Variants in RGS7 observed in about 807,000 individuals in gnomAD.
The protein encoded by RGS7 is regulator of G-protein signaling 7.
In RGS7, 27 loss-of-function variants were observed where a neutral mutation model predicts 81.1. That is an observed-to-expected ratio of 0.33 (90% CI 0.25 to 0.46). The LOEUF is 0.46. RGS7 is among the 20% of genes least tolerant of loss of function. The pLI is 1.00. For synonymous variants in RGS7, 208 were observed against 207.7 expected (o/e 1.00, Z -0.01); for missense variants, 396 against 607.4 (o/e 0.65, Z 3.66).
chr1:241,327,699 C>G (rs1199746161), intron 2 of RGS7, among the ~76,000 whole-genome samples: 2 of 152,092 alleles, frequency 1.3e-5, no homozygotes, highest in African/African-American at 4.8e-5. Context: ...TAATCCAGAG[C>G]AAAAGTTAGA....
chr1:240,929,641 C>T (rs1184606990), intron 6 of RGS7, among the ~76,000 whole-genome samples: 4 of 152,046 alleles, frequency 2.6e-5, no homozygotes, highest in Non-Finnish European at 5.9e-5. Flanking sequence ...AATGTCTCTC[C>T]AGGAGCAACA....
intron 18 of RGS7, among the ~76,000 whole-genome samples, chr1:240,799,979 T>G (rs909576204): frequency 3.3e-5 from 5 of 152,202 alleles, no homozygotes; most frequent in African/African-American, 1.2e-4. Flanking sequence ...TGACTTCCCC[T>G]TTCCATCTTC....
chr1:241,341,868 C>T (rs1445008600), intron 2 of RGS7, among the ~76,000 whole-genome samples: 1 of 136,820 alleles, frequency 7.3e-6, no homozygotes, highest in African/African-American at 2.8e-5. Flanking sequence ...CACTCTTCAA[C>T]TCTTTTTTTT....
At chr1:240,902,018 C>A (rs955997393) in intron 6 of RGS7, among the ~76,000 whole-genome samples, 2 of 152,114 alleles carry the variant, frequency 1.3e-5, no homozygotes, top group Non-Finnish European at 2.9e-5. Context: ...ATAGAGCCAT[C>A]GAAATGTTTT....
intron 2 of RGS7, among the ~76,000 whole-genome samples, chr1:241,207,700 G>C (rs1398454644): frequency 6.6e-6 from 1 of 152,118 alleles, no homozygotes; most frequent in East Asian, 1.9e-4. Context: ...TGTTCAAGTA[G>C]AAGACATTTT....
chr1:241,281,090 T>A (rs965949641), intron 2 of RGS7, among the ~76,000 whole-genome samples: 1 of 152,110 alleles, frequency 6.6e-6, no homozygotes, highest in Non-Finnish European at 1.5e-5. Flanking sequence ...CATAAATGCA[T>A]AAAATATATG....
intron 4 of RGS7, among the ~76,000 whole-genome samples, chr1:240,979,432 C>CATAT (rs1684608229): frequency 6.6e-6 from 1 of 152,064 alleles, no homozygotes; most frequent in Non-Finnish European, 1.5e-5. Flanking sequence ...TCCTGAAAGA[C>CATAT]CACATATCAA....
At chr1:241,320,078 G>T (rs1030849046) in intron 2 of RGS7, among the ~76,000 whole-genome samples, 5 of 152,098 alleles carry the variant, frequency 3.3e-5, no homozygotes, top group African/African-American at 4.8e-5. Flanking sequence ...GCAACAGAGC[G>T]AGACTCCACG....
At chr1:241,221,003 G>A (rs368345068) in intron 2 of RGS7, among the ~76,000 whole-genome samples, 1,465 of 48,598 alleles carry the variant, frequency 0.03, 28 homozygotes, top group African/African-American at 0.061. Context: ...GGAAGAGAGA[G>A]AGAAAGGAAG....
intron 3 of RGS7, among the ~76,000 whole-genome samples, chr1:241,052,914 C>T (rs2061325535): frequency 6.6e-6 from 1 of 151,952 alleles, no homozygotes; most frequent in Non-Finnish European, 1.5e-5. Context: ...TTTTTCCACC[C>T]TAATTCCCAT....
Position 241,087,944 on chromosome 1 carries a change from ATCTCTCTC to A in RGS7, c.175+10714_175+10721del, listed in dbSNP as rs574047844. Among the ~76,000 whole-genome samples the A allele has an allele frequency of 2.9e-4, 34 of 116,100 alleles. 1 individual carries two copies. Among genetic ancestry groups the A allele is most frequent in the African/African-American group, 8.3e-4 (21 of 25,250 alleles). 76.2% of individuals were successfully genotyped at this position (116,100 alleles called of 152,430 possible). On this transcript the variant is annotated intron_variant, in intron 3 of 18. Transcript: ENST00000440928. Reference sequence around the variant, plus strand: ...AGCCTGAGCCACAGAGCAAGACTCCATCTCTCTCTCTCTCTCTCTCTCTCTCTCTCTCT... The same window carrying A: ...AGCCTGAGCCACAGAGCAAGACTCCATCTCTCTCTCTCTCTCTCTCTCTCT...
chr1:241,158,578 T>C (rs1333114594), intron 2 of RGS7, among the ~76,000 whole-genome samples: 1 of 152,212 alleles, frequency 6.6e-6, no homozygotes, highest in African/African-American at 2.4e-5. Context: ...TAATGTTAAA[T>C]AGATGAATGC....
At chr1:241,343,058 C>T (rs748417044) in intron 2 of RGS7, among the ~76,000 whole-genome samples, 2 of 151,926 alleles carry the variant, frequency 1.3e-5, no homozygotes, top group African/African-American at 2.4e-5. Flanking sequence ...GTCAGGAGAT[C>T]GAGACCATCC....
At chr1:241,146,015 G>A (rs1215222310) in intron 2 of RGS7, among the ~76,000 whole-genome samples, 6 of 152,046 alleles carry the variant, frequency 3.9e-5, no homozygotes, top group Non-Finnish European at 7.4e-5. Context: ...AAAATAAACC[G>A]TTTTTTATCT....
intron 2 of RGS7, among the ~76,000 whole-genome samples, chr1:241,170,173 G>A (rs1321436342): frequency 1.3e-5 from 2 of 151,822 alleles, no homozygotes; most frequent in Non-Finnish European, 2.9e-5. Flanking sequence ...AATATATCAC[G>A]GGTATCATTT....
intron 5 of RGS7, among the ~76,000 whole-genome samples, chr1:240,934,268 T>C (rs1190772077): frequency 6.6e-6 from 1 of 152,202 alleles, no homozygotes; most frequent in Non-Finnish European, 1.5e-5. Flanking sequence ...CCTAGATTCT[T>C]AATGATGGTT....
intron 4 of RGS7, among the ~76,000 whole-genome samples, chr1:240,973,656 C>G (rs1052870844): frequency 6.6e-6 from 1 of 152,092 alleles, no homozygotes; most frequent in African/African-American, 2.4e-5. Context: ...GTGGTGCCAT[C>G]TCAGCTCACT....
chr1:241,287,563 G>A (rs2148430846), intron 2 of RGS7, among the ~76,000 whole-genome samples: 1 of 152,232 alleles, frequency 6.6e-6, no homozygotes, highest in Admixed American at 6.5e-5. Context: ...CCCAGCCTCA[G>A]GTATGTCTTT....
intron 3 of RGS7, among the ~76,000 whole-genome samples, chr1:241,066,069 T>C (rs1210050112): frequency 1.3e-5 from 2 of 152,170 alleles, no homozygotes; most frequent in East Asian, 3.8e-4. Flanking sequence ...TAGCATAAAG[T>C]ATATCTTATA....
Sources: allele counts gnomAD v4.1 joint callset (sites outside exome capture counted in the v4.1 genomes callset), GRCh38; gene constraint gnomAD v4.1.1; transcripts MANE v1.5; gene names NCBI Gene and HGNC (gene_info 2026-07-23, HGNC 2026-07-21).